Variants in ITPR1 observed in about 807,000 individuals in gnomAD.
ITPR1 encodes inositol 1,4,5-trisphosphate-gated calcium channel ITPR1.
In ITPR1, 96 loss-of-function variants were observed where a neutral mutation model predicts 318.4. That is an observed-to-expected ratio of 0.30 (90% CI 0.26 to 0.36). The LOEUF (loss-of-function observed/expected upper bound fraction) is 0.36. Among genes scored for constraint, ITPR1 ranks in the 10% least tolerant of loss-of-function variants. The probability of loss-of-function intolerance (pLI) is 1.00; values close to 1 mark genes in which losing one functional copy is unlikely to be tolerated. For missense variants in ITPR1, 2,440 were observed against 3,460.2 expected (o/e 0.71, Z 7.40); for synonymous variants, 1,312 against 1,289.9 (o/e 1.02, Z -0.37).
chr3:4,658,232 G>A lies in ITPR1; in HGVS notation c.1105G>A (p.Glu369Lys). Reference sequence around the variant, plus strand: ...AGGCAATGACATCTCCTCCATTTTCGAGCTAGATCCCACCACTCTGCGTGG... The same window carrying A: ...AGGCAATGACATCTCCTCCATTTTCAAGCTAGATCCCACCACTCTGCGTGG... ...PEGNDISSIF[E>K]LDPTTLRGGD... The change falls in exon 13 of 62, where the codon GAG becomes AAG. Residue 369 changes from glutamate to lysine, a missense_variant. Glu to Lys is a moderately conservative substitution (Grantham distance 56). Transcript: ENST00000649015. 2 of 1,613,484 alleles carry A rather than the reference G, an allele frequency of 1.2e-6. No individual in the cohort carries two copies. Among genetic ancestry groups the A allele is most frequent in the Non-Finnish European group, 1.7e-6 (2 of 1,179,590 alleles).
At chr3:4,573,445 C>T (rs187386652) in intron 4 of ITPR1, among the ~76,000 whole-genome samples, 5 of 152,144 alleles carry the variant, frequency 3.3e-5, no homozygotes, top group Admixed American at 2.0e-4. Flanking sequence ...TCCTTGCCCC[C>T]CTACAGTCTG....
intron 4 of ITPR1, among the ~76,000 whole-genome samples, chr3:4,540,622 CTG>C (rs1333255658): frequency 6.6e-6 from 1 of 152,118 alleles, no homozygotes; most frequent in Admixed American, 6.5e-5. Context: ...GGGTCTCACT[CTG>C]TCACACAGGC....
At chr3:4,689,837 T>A (rs2094453040) in intron 31 of ITPR1, among the ~76,000 whole-genome samples, 1 of 152,220 alleles carries the variant, frequency 6.6e-6, no homozygotes, top group Non-Finnish European at 1.5e-5. Context: ...TTTTAAGAAC[T>A]TCTGTTTGTC....
chr3:4,600,151 TTTA>T (rs2091160026), intron 4 of ITPR1, among the ~76,000 whole-genome samples: 1 of 152,142 alleles, frequency 6.6e-6, no homozygotes, highest in African/African-American at 2.4e-5. Context: ...GCATCAATAG[TTTA>T]TTTAGTCTTT....
intron 12 of ITPR1, among the ~76,000 whole-genome samples, chr3:4,656,472 G>T (rs879403453): frequency 6.6e-6 from 1 of 152,178 alleles, no homozygotes; most frequent in South Asian, 2.1e-4. Context: ...TTCCTTTAGC[G>T]TAGATAGAAT....
intron 2 of ITPR1, among the ~76,000 whole-genome samples, chr3:4,510,753 G>A (rs2081753610): frequency 6.6e-6 from 1 of 152,284 alleles, no homozygotes; most frequent in South Asian, 2.1e-4. Flanking sequence ...AGAGATCCAT[G>A]GTGTAGAGTT....
At chr3:4,730,688 A>T (rs1355279812) in intron 42 of ITPR1, among the ~76,000 whole-genome samples, 1 of 151,982 alleles carries the variant, frequency 6.6e-6, no homozygotes, top group Non-Finnish European at 1.5e-5. Flanking sequence ...AAAAACACGA[A>T]GGGGGGAAGA....
intron 45 of ITPR1, chr3:4,768,126 C>T (rs2045936848): frequency 5.9e-6 from 1 of 170,846 alleles, no homozygotes; most frequent in Non-Finnish European, 1.2e-5. Flanking sequence ...ATTACGACAA[C>T]AATAATTGTG....
At chr3:4,533,451 C>T (rs2083585507) in intron 4 of ITPR1, among the ~76,000 whole-genome samples, 1 of 152,150 alleles carries the variant, frequency 6.6e-6, no homozygotes. Context: ...GTGAATAACA[C>T]TGTGGAGCTG....
intron 44 of ITPR1, chr3:4,749,475 T>C (rs2125342447): frequency 6.6e-6 from 1 of 152,324 alleles, no homozygotes; most frequent in South Asian, 2.1e-4. Context: ...ACACTGTATA[T>C]AGAATTTTTT....
intron 25 of ITPR1, 138 bp downstream of exon 25, chr3:4,680,829 T>C: frequency 1.3e-6 from 1 of 747,496 alleles, no homozygotes. Context: ...TCCTGGCAGT[T>C]ACTCTTTTTG....
chr3:4,772,837 C>T (rs1440215313), intron 46 of ITPR1, among the ~76,000 whole-genome samples: 1 of 152,180 alleles, frequency 6.6e-6, no homozygotes, highest in Non-Finnish European at 1.5e-5. Flanking sequence ...GAGTCTGGGA[C>T]AGATTCTGTC....
intron 44 of ITPR1, among the ~76,000 whole-genome samples, chr3:4,752,364 G>A (rs2044601169): frequency 6.6e-6 from 1 of 152,148 alleles, no homozygotes; most frequent in African/African-American, 2.4e-5. Context: ...GCAAGCTGCT[G>A]TGTCACTGGG....
At chr3:4,739,536 C>T (rs191820800) in intron 44 of ITPR1, among the ~76,000 whole-genome samples, 21 of 152,234 alleles carry the variant, frequency 1.4e-4, no homozygotes, top group Admixed American at 7.9e-4. Context: ...ATTTAGGGAA[C>T]GCTGGGCACA....
intron 4 of ITPR1, among the ~76,000 whole-genome samples, chr3:4,603,590 T>C (rs145646889): frequency 4.2e-4 from 64 of 152,132 alleles, no homozygotes; most frequent in East Asian, 2.5e-3. Flanking sequence ...CCACCACACC[T>C]AGCTAATTTT....
At chr3:4,546,153 A>T (rs931633059) in intron 4 of ITPR1, among the ~76,000 whole-genome samples, 2 of 152,188 alleles carry the variant, frequency 1.3e-5, no homozygotes, top group African/African-American at 4.8e-5. Flanking sequence ...GATTATCATG[A>T]TAATGATGTA....
intron 30 of ITPR1, among the ~76,000 whole-genome samples, chr3:4,685,523 G>T (rs113634567): frequency 1.2e-3 from 181 of 152,270 alleles, no homozygotes; most frequent in African/African-American, 4.3e-3. Context: ...CCCATGAGTT[G>T]GTGTGTTTCA....
chr3:4,658,380 T>A lies in ITPR1; in HGVS notation c.1151+102T>A. 4.9e-6 allele frequency: 5 copies of A among 1,021,000 alleles called. No individual in the cohort carries two copies. In the South Asian group the frequency reaches 7.1e-5, roughly 15 times the overall value. The allele number at this position is 1,021,000 out of a possible 1,614,324, so 63.2% of individuals were successfully genotyped here. On this transcript the variant is annotated intron_variant, in intron 13 of 61. Transcript: ENST00000649015. Reference sequence around the variant, plus strand: ...ATCGTTACTGCCTTTTCTTTTAGATTTTTATAAAGGATTTGGTGAAAGGTT... The same window carrying A: ...ATCGTTACTGCCTTTTCTTTTAGATATTTATAAAGGATTTGGTGAAAGGTT...
rs186220711 is a variant in ITPR1, at chr3:4,557,361, C to A, written c.163+36267C>A. ...ATCATGAGAACAGCATGGGAAAGAC[C>A]CGCCTCCATGAATCAATTACCTCCC... On this transcript the variant is annotated intron_variant, in intron 4 of 61. Coordinates refer to ENST00000649015, the MANE Select transcript of ITPR1 (RefSeq NM_001378452.1). Among the ~76,000 whole-genome samples the A allele has an allele frequency of 7.8e-4, 119 of 152,198 alleles. 2 individuals carry two copies. The East Asian group carries it at 0.016, about 21-fold the overall frequency.
Sources: gnomAD v4.1 joint callset for allele counts (sites outside exome capture counted in the v4.1 genomes callset) on GRCh38, gnomAD v4.1.1 for gene constraint, MANE v1.5 for transcripts, NCBI Gene and HGNC (gene_info 2026-07-23, HGNC 2026-07-21) for gene names.